STARD9: variants seen among roughly 807,000 people sequenced by gnomAD.
The protein encoded by STARD9 is stAR-related lipid transfer protein 9.
In STARD9, 346 loss-of-function variants were observed where a neutral mutation model predicts 399.8. The observed-to-expected ratio is 0.87, with a 90% CI of 0.79 to 0.95. STARD9 has a LOEUF of 0.95. Among genes scored for constraint, STARD9 ranks in the 40% least tolerant of loss-of-function variants. The pLI, the probability that STARD9 is intolerant of heterozygous loss-of-function variation, is 0.00. For missense variants in STARD9, 5,832 were observed against 5,667.5 expected, an observed-to-expected ratio of 1.03 and a Z score of -0.93; for synonymous variants, 2,203 against 2,143.5, an observed-to-expected ratio of 1.03 and a Z score of -0.77.
chr15:42,628,576 G>A (rs2141888438), intron 3 of STARD9, among the ~76,000 whole-genome samples: 1 of 152,320 alleles, frequency 6.6e-6, no homozygotes, highest in South Asian at 2.1e-4. Context: ...TTAGATTTAA[G>A]TCCTTAATCC....
In STARD9 at chr15:42,638,053, G is replaced by A; in HGVS notation, c.412G>A (p.Ala138Thr). The change falls in exon 6 of 33, where the codon GCC becomes ACC. Residue 138 changes from alanine to threonine, a missense_variant. This residue lies in a region of STARD9 where 5,828 missense variants were observed against 5,651.1 expected (regional missense o/e 1.03). Coordinates refer to ENST00000290607, the MANE Select transcript of STARD9 (RefSeq NM_020759.3). ...EGLFVREKDCASLPSSCRIKV... is the reference protein window; with the variant it reads ...EGLFVREKDCTSLPSSCRIKV... ...TCTCTTCGTCAGGGAGAAAGACTGT[G>A]CCTCACTGCCTTCCTCCTGTAGGAT... 2.0e-6 allele frequency: 3 copies of A among 1,537,360 alleles called. No homozygotes were observed. The highest frequency in any genetic ancestry group is 8.7e-7 in the Non-Finnish European group (1 of 1,146,938).
In STARD9 at chr15:42,695,183, A is replaced by G. The variant is rs1026749305; in HGVS notation, c.13006A>G (p.Ile4336Val). The change falls in exon 25 of 33, where the codon ATA becomes GTA. Residue 4336 changes from isoleucine to valine, a missense_variant. By Grantham distance (29) the Ile-to-Val change is conservative. Around this residue, in one of 2 missense-constraint regions of STARD9, gnomAD observed 5,828 missense variants for 5,651.1 expected, o/e 1.03. Transcript: ENST00000290607. Reference sequence around the variant, plus strand: ...AAGGTCAGCTCACACACCCTCTGACATAGAGTTGATGCTGCAAGACTACCA... The same window carrying G: ...AAGGTCAGCTCACACACCCTCTGACGTAGAGTTGATGCTGCAAGACTACCA... Reference protein sequence around the residue: ...VSRSAHTPSDIELMLQDYQQA... With the variant: ...VSRSAHTPSDVELMLQDYQQA... The G allele has an allele frequency of 3.3e-6, 5 of 1,537,122 alleles. No individual in the cohort carries two copies. The Admixed American group carries it at 7.8e-5, about 24-fold the overall frequency.
At chr15:42,640,027 T>A (rs1451569034) in intron 7 of STARD9, among the ~76,000 whole-genome samples, 3 of 152,178 alleles carry the variant, frequency 2.0e-5, no homozygotes, top group Admixed American at 1.3e-4. Flanking sequence ...GCTCAAGTGA[T>A]CCTTCCGCCC....
Position 42,692,877 on chromosome 15 carries a change from G to T in STARD9, c.11299G>T (p.Asp3767Tyr). The T allele has an allele frequency of 6.5e-7, 1 of 1,537,256 alleles. No homozygotes were observed. The highest frequency in any genetic ancestry group is 8.7e-7 in the Non-Finnish European group (1 of 1,146,912). Residue 3767 changes from aspartate (D) to tyrosine (Y), a missense_variant, in exon 23 of 33, where the codon GAT becomes TAT. Asp to Tyr is a radical substitution (Grantham distance 160). Transcript: ENST00000290607. ...ANVILEGLGS[D>Y]TSTVSQEEGD... The stretch of plus-strand genomic sequence containing the variant: ...TGTGATCCTTGAAGGGCTAGGCTCA[G>T]ATACCTCGACTGTGTCTCAAGAAGA...
At chr15:42,674,691 G>C (rs1207323398) in intron 17 of STARD9, 136 bp from the exon 18 acceptor site, 3 of 1,329,980 alleles carry the variant, frequency 2.3e-6, no homozygotes, top group Admixed American at 2.7e-5. Context: ...AGGTCTGGGT[G>C]GTTTCAGGTC....
At chr15:42,677,992 A>T (rs772280838) in intron 20 of STARD9, among the ~76,000 whole-genome samples, 2 of 152,194 alleles carry the variant, frequency 1.3e-5, no homozygotes, top group Non-Finnish European at 2.9e-5. Flanking sequence ...ACACACAAGA[A>T]TGTGTCCTTT....
rs2060089808 is a variant in STARD9 at position 42,665,817 on chromosome 15, T to C, written c.1286T>C (p.Leu429Pro). ...TTCAGTTCATTGAGTGATGAAAACC[T>C]GAAGGAGCTGGTTCTCCAAAATGAA... ...RNFSSLSDEN[L>P]KELVLQNELK... The change falls in exon 15 of 33, where the codon CTG becomes CCG. Residue 429 changes from leucine (L) to proline (P), a missense_variant. Leu to Pro is a moderately conservative substitution (Grantham distance 98, BLOSUM62 -3). Around this residue, in one of 2 missense-constraint regions of STARD9, gnomAD observed 5,828 missense variants for 5,651.1 expected, o/e 1.03. Coordinates refer to ENST00000290607, the MANE Select transcript of STARD9 (RefSeq NM_020759.3). 1 of 1,537,212 alleles carries C rather than the reference T, an allele frequency of 6.5e-7. No individual in the cohort carries two copies. The highest frequency in any genetic ancestry group is 1.2e-5 in the South Asian group (1 of 84,062).
rs2060744963 is a variant in STARD9, at chr15:42,692,819, C to T, written c.11241C>T (p.Leu3747=). Residue 3747 remains leucine (L), a synonymous_variant, in exon 23 of 33, where the codon CTC becomes CTT. Coordinates refer to ENST00000290607, the MANE Select transcript of STARD9 (RefSeq NM_020759.3). Reference sequence around the variant, plus strand: ...ACCTCACCTTACCCACCCTGTGCCTCCAGACTTCAGAGGCTGAACCTCAGG... The same window carrying T: ...ACCTCACCTTACCCACCCTGTGCCTTCAGACTTCAGAGGCTGAACCTCAGG... ...QTDLTLPTLC[L]QTSEAEPQGA... is the part of the protein sequence containing the mutation. 2 of 1,537,214 alleles carry T rather than the reference C, an allele frequency of 1.3e-6. No homozygotes were observed. Among genetic ancestry groups the T allele is most frequent in the Non-Finnish European group, 1.7e-6 (2 of 1,146,912 alleles).
Position 42,690,767 on chromosome 15 carries a change from T to G in STARD9, c.9189T>G (p.Pro3063=). 1 of 1,537,270 alleles carries G rather than the reference T, an allele frequency of 6.5e-7. No individual in the cohort carries two copies. Among genetic ancestry groups the G allele is most frequent in the Non-Finnish European group, 8.7e-7 (1 of 1,146,916 alleles). Residue 3063 remains proline (P), a synonymous_variant, in exon 23 of 33, where the codon CCT becomes CCG. Coordinates refer to ENST00000290607, the MANE Select transcript of STARD9 (RefSeq NM_020759.3). ...RAQGCRSPSA[P]DVRTGSFSHS... Reference sequence around the variant, plus strand: ...AAGGCTGCAGATCCCCTTCTGCTCCTGACGTGAGGACAGGTTCCTTCAGCC... The same window carrying G: ...AAGGCTGCAGATCCCCTTCTGCTCCGGACGTGAGGACAGGTTCCTTCAGCC...
intron 10 of STARD9, among the ~76,000 whole-genome samples, chr15:42,661,995 TAAAAAA>T (rs956111684): frequency 6.6e-6 from 1 of 151,478 alleles, no homozygotes; most frequent in Non-Finnish European, 1.5e-5. Flanking sequence ...GTTCTTTACT[TAAAAAA>T]AAAGTTTTAC....
At chr15:42,583,272 C>G (rs2058211403) in intron 1 of STARD9, 74 bp from the exon 2 acceptor site, 5 of 1,143,376 alleles carry the variant, frequency 4.4e-6, no homozygotes, top group African/African-American at 3.1e-5. Context: ...TTTTGTCCCA[C>G]TAGCACTGGT....
chr15:42,690,225 G>A lies in STARD9; in HGVS notation c.8647G>A (p.Gly2883Arg), dbSNP rs1181122158. ...CVQCKESVGS[G>R]LTEVCRAGSK... ...GCAGTGTAAGGAGAGTGTTGGGTCT[G>A]GGTTGACAGAAGTCTGCAGGGCTGG... Residue 2883 changes from glycine (G) to arginine (R), a missense_variant, in exon 23 of 33, where the codon GGG (glycine) becomes AGG (arginine). By Grantham distance (125) the Gly-to-Arg change is moderately radical (BLOSUM62 -2). This residue lies in a region of STARD9 where 5,828 missense variants were observed against 5,651.1 expected (regional missense o/e 1.03). Coordinates refer to ENST00000290607, the MANE Select transcript of STARD9 (RefSeq NM_020759.3). The A allele has an allele frequency of 1.3e-6, 2 of 1,537,616 alleles. No homozygotes were observed. The highest frequency in any genetic ancestry group is 1.7e-6 in the Non-Finnish European group (2 of 1,147,004).
In STARD9 at chr15:42,718,125, A is replaced by G. The variant is rs1397691190; in HGVS notation, c.13708A>G (p.Lys4570Glu). The G allele has an allele frequency of 2.6e-6, 4 of 1,537,040 alleles. No individual in the cohort carries two copies. The Admixed American group carries it at 5.9e-5, about 23-fold the overall frequency. ...CCCCACTGTGTGGCCCCTGTATTAC[A>G]AGCCCATCCAGACAGCAAGGCTGCA... ...SDPTVWPLYY[K>E]PIQTARLHQR... Residue 4570 changes from lysine (K) to glutamate (E), a missense_variant, in exon 30 of 33, where the codon AAG (lysine) becomes GAG (glutamate). Lys to Glu is a moderately conservative substitution (Grantham distance 56). This residue lies in a region of STARD9 where 5,828 missense variants were observed against 5,651.1 expected (regional missense o/e 1.03). Coordinates refer to ENST00000290607, the MANE Select transcript of STARD9 (RefSeq NM_020759.3).
chr15:42,578,088 GA>G (rs1442593293), intron 1 of STARD9, among the ~76,000 whole-genome samples: 1 of 148,414 alleles, frequency 6.7e-6, no homozygotes, highest in Non-Finnish European at 1.5e-5. Flanking sequence ...TATTCAGTAG[GA>G]CTAGAGTTGA....
intron 3 of STARD9, among the ~76,000 whole-genome samples, chr15:42,633,728 C>G (rs944628066): frequency 1.3e-5 from 2 of 151,412 alleles, no homozygotes; most frequent in African/African-American, 4.9e-5. Flanking sequence ...ATTGCACTTC[C>G]GCTTCCTGGG....
rs1395582901 is a variant in STARD9 at position 42,687,465 on chromosome 15, G to A, written c.5887G>A (p.Ala1963Thr). ...DRRVSSPVMV[A>T]QGGGPTPKWE... The stretch of plus-strand genomic sequence containing the variant: ...TAGAGTAAGCAGCCCAGTGATGGTG[G>A]CCCAGGGTGGTGGCCCAACCCCTAA... The change falls in exon 23 of 33, where the codon GCC becomes ACC. Residue 1963 changes from alanine to threonine, a missense_variant. Physicochemically the swap from Ala to Thr is moderately conservative, Grantham distance 58. This residue lies in a region of STARD9 where 5,828 missense variants were observed against 5,651.1 expected (regional missense o/e 1.03). Transcript: ENST00000290607. The A allele has an allele frequency of 6.5e-7, 1 of 1,537,144 alleles. No homozygotes were observed. Among genetic ancestry groups the A allele is most frequent in the Non-Finnish European group, 8.7e-7 (1 of 1,146,914 alleles).
Position 42,718,765 on chromosome 15 carries a change from T to C in STARD9, c.13856T>C (p.Val4619Ala). ...CVEAKEGHLSVMAAQSVYDTS... is the reference protein window; with the variant it reads ...CVEAKEGHLSAMAAQSVYDTS... Reference sequence around the variant, plus strand: ...CTCTGTCCCCAGGGTCACCTGTCTGTCATGGCAGCCCAGTCTGTGTATGAT... The same window carrying C: ...CTCTGTCCCCAGGGTCACCTGTCTGCCATGGCAGCCCAGTCTGTGTATGAT... The change falls in exon 32 of 33, where the codon GTC (valine) becomes GCC (alanine). Residue 4619 changes from valine to alanine, a missense_variant. Coordinates refer to ENST00000290607, the MANE Select transcript of STARD9 (RefSeq NM_020759.3). 1 of 1,537,206 alleles carries C rather than the reference T, an allele frequency of 6.5e-7. No homozygotes were observed. Among genetic ancestry groups the C allele is most frequent in the Non-Finnish European group, 8.7e-7 (1 of 1,146,892 alleles).
In STARD9 at chr15:42,646,341, G is replaced by C. The variant is rs192921557; in HGVS notation, c.560-4675G>C. ...CCTTTTTCCAATGGAAGCCTGATTT[G>C]TCTACATTGAAATTCTGTTGTTTAG... On this transcript the variant is annotated intron_variant, in intron 7 of 32. Coordinates refer to ENST00000290607, the MANE Select transcript of STARD9 (RefSeq NM_020759.3). Among the ~76,000 whole-genome samples the C allele has an allele frequency of 4.6e-5, 7 of 152,312 alleles. No homozygotes were observed. The East Asian group carries it at 1.3e-3, about 29-fold the overall frequency.
chr15:42,660,464 C>T (rs553829733), intron 9 of STARD9, among the ~76,000 whole-genome samples: 19 of 151,060 alleles, frequency 1.3e-4, no homozygotes, highest in South Asian at 8.4e-4. Flanking sequence ...CTTGGGAGGC[C>T]GAGGCAGGAG....
Sources: gnomAD v4.1 joint callset for allele counts (sites outside exome capture counted in the v4.1 genomes callset) on GRCh38, gnomAD v4.1.1 for gene constraint, gnomAD v4.1.1 regional missense constraint, MANE v1.5 for transcripts, NCBI Gene and HGNC (gene_info 2026-07-23, HGNC 2026-07-21) for gene names.